The following CD177 variants were observed in gnomAD, a reference collection of about 807,000 sequenced individuals.
The protein encoded by CD177 is CD177 antigen.
In CD177, 41 loss-of-function variants were observed where a neutral mutation model predicts 38.1. That is an observed-to-expected ratio of 1.07 (90% confidence interval 0.84 to 1.39). The LOEUF is 1.39. CD177 is among the 40% of genes most tolerant of loss of function. The pLI is 0.00. For synonymous variants in CD177, 236 were observed against 216.7 expected, an observed-to-expected ratio of 1.09 and a Z score of -0.78; for missense variants, 619 against 523.8, an observed-to-expected ratio of 1.18 and a Z score of -1.77.
intron 3 of CD177, 155 bp from the exon 4 acceptor site, chr19:43,355,506 C>G (rs778380055): frequency 1.2e-6 from 1 of 828,610 alleles, no homozygotes; most frequent in South Asian, 1.4e-5. Flanking sequence ...TTTATTTTCC[C>G]ACATCCAGAT....
intron 8 of CD177, among the ~76,000 whole-genome samples, 158 bp downstream of exon 8, chr19:43,361,737 A>AGGGAGGAGGCGCTGGGGGCCTGGG (rs1969969799): frequency 8.3e-6 from 1 of 120,462 alleles, no homozygotes; most frequent in Non-Finnish European, 1.7e-5. Flanking sequence ...GGGGGCCTGG[A>AGGGAGGAGGCGCTGGGGGCCTGGG]CTCCTGGTCT....
intron 8 of CD177, among the ~76,000 whole-genome samples, 161 bp downstream of exon 8, chr19:43,361,740 C>T (rs552966063): frequency 6.8e-6 from 1 of 146,842 alleles, no homozygotes; most frequent in East Asian, 2.0e-4. Context: ...GGCCTGGACT[C>T]CTGGTCTGAG....
intron 3 of CD177, chr19:43,355,445 C>G: frequency 1.8e-6 from 1 of 547,820 alleles, no homozygotes; most frequent in South Asian, 1.5e-5. Flanking sequence ...CTGGGTGCCT[C>G]TACCCAGACC....
At chr19:43,354,600 T>C (rs1313085785) in intron 3 of CD177, 2 of 600,062 alleles carry the variant, frequency 3.3e-6, no homozygotes, top group African/African-American at 1.9e-5. Flanking sequence ...CCCACCGACC[T>C]GCCACCCGGG....
rs541838097 is a variant in CD177, at chr19:43,361,770, T to C, written c.1081+191T>C. Among the ~76,000 whole-genome samples the C allele has an allele frequency of 6.8e-5, 9 of 132,240 alleles. No individual in the cohort carries two copies. The South Asian group carries it at 2.3e-3, about 33-fold the overall frequency. The allele number at this position is 132,240 out of a possible 152,430, so 86.8% of individuals were successfully genotyped here. ...TCTGAGGGAGGAGGCGCTGGGGGCC[T>C]GGGCTCCTGGTCCCAGGGAGGAGGG... is the stretch of plus-strand genomic sequence containing the variant. On this transcript the variant is annotated intron_variant, in intron 8 of 8. Coordinates refer to ENST00000618265, the MANE Select transcript of CD177 (RefSeq NM_020406.4).
chr19:43,364,166 G>T (rs188600195), downstream of CD177, among the ~76,000 whole-genome samples: 1 of 152,206 alleles, frequency 6.6e-6, no homozygotes, highest in Non-Finnish European at 1.5e-5. Flanking sequence ...GTGTGTGATG[G>T]TGACAGTGAT....
chr19:43,361,474 C>T lies in CD177; in HGVS notation c.976C>T (p.Pro326Ser). The change falls in exon 8 of 9, where the codon CCT becomes TCT. Residue 326 changes from proline (P) to serine (S), a missense_variant. By Grantham distance (74) the Pro-to-Ser change is moderately conservative (BLOSUM62 -1). Transcript: ENST00000618265. ...AAPVPGDRQC[P>S]TCVQPLGTCS... ...CCCTGTCCCAGGAGACCGGCAGTGT[C>T]CTACCTGTGTGCAGCCCCTTGGAAC... 6.3e-7 allele frequency: 1 copy of T among 1,587,710 alleles called. No homozygotes were observed. The highest frequency in any genetic ancestry group is 8.6e-7 in the Non-Finnish European group (1 of 1,160,142).
Position 43,362,072 on chromosome 19 carries a change from G to A in CD177, c.1082-16G>A. 1.2e-6 allele frequency: 2 copies of A among 1,608,918 alleles called. No homozygotes were observed. On this transcript the variant is annotated splice_polypyrimidine_tract_variant and intron_variant, in intron 8 of 8. Coordinates refer to ENST00000618265, the MANE Select transcript of CD177 (RefSeq NM_020406.4). ...CTGTACTCTGTGTCCTTTCTGACTT[G>A]GTCTTCTCCCTCTAGGTGGGCTGTC...
rs1021462790 is a variant in CD177 at position 43,360,141 on chromosome 19, G to C, written c.620-124G>C. The C allele has an allele frequency of 8.7e-6, 10 of 1,155,876 alleles. No individual in the cohort carries two copies. In the African/African-American group the frequency reaches 1.6e-4, roughly 18 times the overall value. 71.6% of individuals were successfully genotyped at this position (1,155,876 alleles called of 1,614,324 possible). A position where few individuals can be genotyped will look rare whatever the true frequency, so the allele number is the denominator to read the frequency against. On this transcript the variant is annotated intron_variant, in intron 5 of 8. Transcript: ENST00000618265. ...GTCCCTTCTGAATCCTTGGTTAAGG[G>C]AATCTGTGGCCAGGTCACCTGGAGT...
At position 43,360,414 on chromosome 19, in the gene CD177, A is replaced by T. The variant is rs1599877949; in HGVS notation, c.760+9A>T. The T allele has an allele frequency of 3.2e-6, 5 of 1,584,784 alleles. No homozygotes were observed. Among genetic ancestry groups the T allele is most frequent in the Non-Finnish European group, 4.3e-6 (5 of 1,165,666 alleles). On this transcript the variant is annotated intron_variant, in intron 6 of 8. Coordinates refer to ENST00000618265, the MANE Select transcript of CD177 (RefSeq NM_020406.4). ...GCTGCTCCTAGATGTAGGTACGTGGACTGAGGTAGAAGACGAACACCTGTC... is the reference window on the plus strand; with the variant it reads ...GCTGCTCCTAGATGTAGGTACGTGGTCTGAGGTAGAAGACGAACACCTGTC...
Position 43,355,570 on chromosome 19 carries a change from T to C in CD177, c.380-91T>C, listed in dbSNP as rs142707564. 1,727 of 1,438,842 alleles carry C rather than the reference T, an allele frequency of 1.2e-3. 5 individuals are homozygous for C. The highest frequency in any genetic ancestry group is 2.3e-3 in the Admixed American group (137 of 58,504). The allele number at this position is 1,438,842 out of a possible 1,614,324, so 89.1% of individuals were successfully genotyped here. ...TTGGGAAGGCTGAGCAGGTTGACTC[T>C]TGAGGCCAGCAAAAGTGGGGTGCAG... On this transcript the variant is annotated intron_variant, in intron 3 of 8. Coordinates refer to ENST00000618265, the MANE Select transcript of CD177 (RefSeq NM_020406.4).
Position 43,362,000 on chromosome 19 carries a change from G to A in CD177, c.1082-88G>A, listed in dbSNP as rs1969976063. 3 of 1,136,678 alleles carry A rather than the reference G, an allele frequency of 2.6e-6. No individual in the cohort carries two copies. The East Asian group carries it at 7.1e-5, about 27-fold the overall frequency. The allele number at this position is 1,136,678 out of a possible 1,614,324, so 70.4% of individuals were successfully genotyped here. ...GGGGGTCTGGGCTCCTCGGTCTGAG[G>A]GAGGAGGGTCTGGGGCCTGGACTCC... is the stretch of plus-strand genomic sequence containing the variant. On this transcript the variant is annotated intron_variant, in intron 8 of 8. Coordinates refer to ENST00000618265, the MANE Select transcript of CD177 (RefSeq NM_020406.4).
At chr19:43,360,207 G>A in intron 5 of CD177, 58 bp from the exon 6 acceptor site, 1 of 1,587,338 alleles carries the variant, frequency 6.3e-7, no homozygotes, top group African/African-American at 1.3e-5. Context: ...CCCAGGACGT[G>A]GAGGGACAGA....
chr19:43,354,989 T>A (rs1969902383), intron 3 of CD177, among the ~76,000 whole-genome samples: 1 of 151,126 alleles, frequency 6.6e-6, no homozygotes, highest in African/African-American at 2.4e-5. Context: ...CAGACTTTGT[T>A]GAAAGGTTCA....
Position 43,361,258 on chromosome 19 carries a change from C to A in CD177, c.876C>A (p.His292Gln), listed in dbSNP as rs1211950142. ...GGGTGCTTGTGGCCTCCTATACCCACTTCTGCTCCTCGGACCTGTGCAATA... is the reference window on the plus strand; with the variant it reads ...GGGTGCTTGTGGCCTCCTATACCCAATTCTGCTCCTCGGACCTGTGCAATA... ...PPGVLVASYT[H>Q]FCSSDLCNSA... The change falls in exon 7 of 9, where the codon CAC (histidine) becomes CAA (glutamine). Residue 292 changes from histidine to glutamine, a missense_variant. His to Gln is a conservative substitution (Grantham distance 24, BLOSUM62 0). Transcript: ENST00000618265. The A allele has an allele frequency of 5.2e-6, 8 of 1,537,068 alleles. No homozygotes were observed. Among genetic ancestry groups the A allele is most frequent in the Non-Finnish European group, 2.7e-6 (3 of 1,115,840 alleles).
intron 5 of CD177, among the ~76,000 whole-genome samples, chr19:43,359,993 A>G (rs1410775308): frequency 4.0e-5 from 6 of 151,714 alleles, no homozygotes; most frequent in Non-Finnish European, 5.9e-5. Context: ...AGGATAAGGA[A>G]GAGCTTCCAT....
At chr19:43,365,967 A>T (rs1294027007), downstream of CD177, among the ~76,000 whole-genome samples, 4 of 152,090 alleles carry the variant, frequency 2.6e-5, no homozygotes, top group Non-Finnish European at 5.9e-5. Flanking sequence ...CCCGGCCCTG[A>T]ACTTGATTGC....
At position 43,362,122 on chromosome 19, in the gene CD177, C is replaced by A; in HGVS notation, c.1116C>A (p.Cys372Ter). The A allele has an allele frequency of 6.2e-7, 1 of 1,613,754 alleles. No individual in the cohort carries two copies. The highest frequency in any genetic ancestry group is 8.5e-7 in the Non-Finnish European group (1 of 1,179,732). The change falls in exon 9 of 9, where the codon TGC becomes TGA. Residue 372 changes from cysteine (C) to a stop codon, truncating the protein, a stop_gained. Coordinates refer to ENST00000618265, the MANE Select transcript of CD177 (RefSeq NM_020406.4). LOFTEE classifies it low-confidence loss of function (END_TRUNC). ...CCACCAAAATGAGCATTCAGGGCTGCGTGGCCCAACCTTCCAGCTTCTTGT... is the reference window on the plus strand; with the variant it reads ...CCACCAAAATGAGCATTCAGGGCTGAGTGGCCCAACCTTCCAGCTTCTTGT... ...GLSTKMSIQG[C>*]VAQPSSFLLN... is the part of the protein sequence containing the mutation.
downstream of CD177, among the ~76,000 whole-genome samples, chr19:43,365,350 C>T (rs549826877): frequency 1.6e-5 from 2 of 122,204 alleles, no homozygotes; most frequent in Admixed American, 1.7e-4. Flanking sequence ...ATCCATGTGG[C>T]CATCTGCACC....
Sources: allele counts gnomAD v4.1 joint callset (sites outside exome capture counted in the v4.1 genomes callset), GRCh38; gene constraint gnomAD v4.1.1; transcripts MANE v1.5; gene names NCBI Gene and HGNC (gene_info 2026-07-23, HGNC 2026-07-21).